The following ERBB4 variants were observed in gnomAD, a reference collection of about 807,000 sequenced individuals.
The protein encoded by ERBB4 is receptor tyrosine-protein kinase erbB-4.
A neutral mutation model predicts 158.0 loss-of-function variants in ERBB4; 42 were observed. That is an observed-to-expected ratio of 0.27 (90% CI 0.21 to 0.34). The LOEUF (loss-of-function observed/expected upper bound fraction) is 0.34, where lower values mean the gene tolerates loss of function less well. Ranked by LOEUF, ERBB4 falls within the 10% of genes least tolerant of loss-of-function variation. ERBB4 has a pLI of 1.00. For missense variants in ERBB4, 1,333 were observed against 1,624.1 expected (o/e 0.82, Z 3.08); for synonymous variants, 583 against 558.7 (o/e 1.04, Z -0.61).
chr2:211,856,821 C>G (rs2077878279), intron 3 of ERBB4, among the ~76,000 whole-genome samples: 1 of 152,030 alleles, frequency 6.6e-6, no homozygotes, highest in Non-Finnish European at 1.5e-5. Context: ...ATAGCTGTTT[C>G]AATGTTTATG....
chr2:211,630,705 AT>A (rs2070085218), intron 16 of ERBB4, 111 bp from the exon 17 acceptor site: 1 of 982,354 alleles, frequency 1.0e-6, no homozygotes. Flanking sequence ...AAATCTAGTC[AT>A]TTAGATGAAA....
At chr2:212,446,626 T>C (rs868846937) in intron 1 of ERBB4, among the ~76,000 whole-genome samples, 1,207 of 84,304 alleles carry the variant, frequency 0.014, 135 homozygotes, top group Non-Finnish European at 0.02. Flanking sequence ...TATATATATA[T>C]ATATATATAT....
chr2:211,894,780 G>T (rs1265288763), intron 3 of ERBB4, among the ~76,000 whole-genome samples: 2 of 152,060 alleles, frequency 1.3e-5, no homozygotes, highest in African/African-American at 4.8e-5. Context: ...TGTAAATGGT[G>T]CTTTAATTTT....
chr2:211,629,398 G>A (rs1257883272), intron 17 of ERBB4, among the ~76,000 whole-genome samples: 2 of 152,018 alleles, frequency 1.3e-5, no homozygotes, highest in African/African-American at 2.4e-5. Context: ...AATAAAAGAG[G>A]ACACAAACAA....
At chr2:211,525,428 GACACA>G (rs1291697514) in intron 20 of ERBB4, among the ~76,000 whole-genome samples, 1 of 152,072 alleles carries the variant, frequency 6.6e-6, no homozygotes, top group Non-Finnish European at 1.5e-5. Flanking sequence ...GACATTTCTA[GACACA>G]CTCTGGGCCA....
At chr2:212,075,334 T>C (rs77970476) in intron 2 of ERBB4, among the ~76,000 whole-genome samples, 4,971 of 152,010 alleles carry the variant, frequency 0.033, 113 homozygotes, top group Non-Finnish European at 0.053. Context: ...CATTGGAATA[T>C]AATATTTAAT....
intron 3 of ERBB4, among the ~76,000 whole-genome samples, chr2:211,816,100 G>A (rs1342961097): frequency 1.3e-5 from 2 of 152,122 alleles, no homozygotes; most frequent in African/African-American, 4.8e-5. Context: ...TGTGAGACTT[G>A]CCTTGTAATT....
intron 2 of ERBB4, among the ~76,000 whole-genome samples, chr2:212,101,945 T>C (rs2079096673): frequency 6.6e-6 from 1 of 151,654 alleles, no homozygotes; most frequent in South Asian, 2.1e-4. Context: ...CCAATTTGTC[T>C]GCATTCTCAC....
intron 5 of ERBB4, among the ~76,000 whole-genome samples, chr2:211,730,369 C>T (rs1207637946): frequency 2.0e-5 from 3 of 151,936 alleles, no homozygotes; most frequent in East Asian, 1.9e-4. Flanking sequence ...GATCTCTGTT[C>T]GCCCGTTAAC....
intron 20 of ERBB4, among the ~76,000 whole-genome samples, chr2:211,500,618 C>T (rs900035977): frequency 1.3e-5 from 2 of 151,850 alleles, no homozygotes; most frequent in Non-Finnish European, 2.9e-5. Flanking sequence ...GTCACTTTTA[C>T]GAAATGAAAA....
intron 1 of ERBB4, among the ~76,000 whole-genome samples, chr2:212,239,535 A>T (rs999681164): frequency 5.9e-5 from 9 of 152,176 alleles, no homozygotes; most frequent in African/African-American, 2.2e-4. Context: ...GGTAATTTTC[A>T]TCATCTTCCT....
intron 1 of ERBB4, among the ~76,000 whole-genome samples, chr2:212,296,052 T>A (rs1193305814): frequency 6.6e-6 from 1 of 152,038 alleles, no homozygotes; most frequent in Non-Finnish European, 1.5e-5. Flanking sequence ...GTTGTCTTTC[T>A]GTAAGAACTT....
chr2:212,538,632 G>A lies in ERBB4; in HGVS notation c.-102C>T. The A allele has an allele frequency of 8.0e-7, 1 of 1,246,506 alleles. No individual in the cohort carries two copies. Among genetic ancestry groups the A allele is most frequent in the Non-Finnish European group, 1.2e-6 (1 of 858,348 alleles). 77.2% of individuals were successfully genotyped at this position (1,246,506 alleles called of 1,614,324 possible). On this transcript the variant is annotated 5_prime_UTR_variant, in exon 1 of 28. Transcript: ENST00000342788. Reference sequence around the variant, plus strand: ...ATCCCCCAGCCGGGCGCGCGTGGGGGTGCGAGGGGGGCGGGCGCGGCGCGC... The same window carrying A: ...ATCCCCCAGCCGGGCGCGCGTGGGGATGCGAGGGGGGCGGGCGCGGCGCGC...
intron 1 of ERBB4, among the ~76,000 whole-genome samples, chr2:212,388,681 C>T (rs1488350089): frequency 1.3e-5 from 2 of 152,054 alleles, no homozygotes; most frequent in African/African-American, 4.8e-5. Flanking sequence ...ATATTTTTCT[C>T]CCTTCCTATC....
intron 3 of ERBB4, among the ~76,000 whole-genome samples, chr2:211,861,094 A>ATTTT (rs1559585731): frequency 4.1e-5 from 2 of 48,700 alleles, no homozygotes; most frequent in African/African-American, 1.7e-4. Context: ...TAAAATATAT[A>ATTTT]AATACATTAT....
At position 211,713,421 on chromosome 2, in the gene ERBB4, G is replaced by A. The variant is rs187141447; in HGVS notation, c.997+114C>T. ...GTTCAAAATTATGGAAAGCGTGTGG[G>A]TAGGTTTGGTTGTGAGAGTGGGTTT... On this transcript the variant is annotated intron_variant, in intron 8 of 27. Transcript: ENST00000342788. The A allele has an allele frequency of 8.4e-6, 6 of 716,778 alleles. No individual in the cohort carries two copies. In the African/African-American group the frequency reaches 1.1e-4, roughly 13 times the overall value. The allele number at this position is 716,778 out of a possible 1,614,324, so 44.4% of individuals were successfully genotyped here.
Position 212,182,890 on chromosome 2 carries a change from T to C in ERBB4, c.83-57987A>G, listed in dbSNP as rs535538751. 9.6e-4 allele frequency among the ~76,000 whole-genome samples: 141 copies of C among 146,700 alleles called. 3 individuals carry two copies. Among genetic ancestry groups the C allele is most frequent in the Admixed American group, 7.6e-4 (11 of 14,524 alleles). On this transcript the variant is annotated intron_variant, in intron 1 of 27. Coordinates refer to ENST00000342788, the MANE Select transcript of ERBB4 (RefSeq NM_005235.3). ...AAAGTTGGGTTGAGGTTTTTTTTTA[T>C]TGATTTTTAAGATGAATATTTTAAC... is the stretch of plus-strand genomic sequence containing the variant.
chr2:211,967,668 A>G (rs1477044487), intron 2 of ERBB4, among the ~76,000 whole-genome samples: 1 of 152,050 alleles, frequency 6.6e-6, no homozygotes, highest in Non-Finnish European at 1.5e-5. Context: ...GTTATTTTGA[A>G]GATTATAATA....
At chr2:211,940,162 T>C (rs72933771) in intron 3 of ERBB4, among the ~76,000 whole-genome samples, 2 of 152,082 alleles carry the variant, frequency 1.3e-5, no homozygotes, top group African/African-American at 4.8e-5. Context: ...AATTTTTCAA[T>C]ACTTTGCAGT....
Sources: allele counts gnomAD v4.1 joint callset (sites outside exome capture counted in the v4.1 genomes callset), GRCh38; gene constraint gnomAD v4.1.1; transcripts MANE v1.5; gene names NCBI Gene and HGNC (gene_info 2026-07-23, HGNC 2026-07-21).